ZBTB37: variants seen among roughly 807,000 people sequenced by gnomAD.
ZBTB37 encodes the protein zinc finger and BTB domain containing 37.
ZBTB37 carries 15 observed loss-of-function variants against 37.7 expected under a neutral mutation model. That is an observed-to-expected ratio of 0.40 (90% CI 0.27 to 0.61). The LOEUF (loss-of-function observed/expected upper bound fraction) is 0.61. ZBTB37 is among the 20% of genes least tolerant of loss of function. The pLI, the probability that ZBTB37 is intolerant of heterozygous loss-of-function variation, is 0.44. For missense variants in ZBTB37, 514 were observed against 641.9 expected, an observed-to-expected ratio of 0.80 and a Z score of 2.15; for synonymous variants, 231 against 220.6, an observed-to-expected ratio of 1.05 and a Z score of -0.42.
exon 3 of ZBTB37, chr1:173,870,400 G>A: frequency 6.2e-7 from 1 of 1,614,166 alleles, no homozygotes; most frequent in Non-Finnish European, 8.5e-7. Flanking sequence ...CTATTTCCGG[G>A]ATCACATGTC....
intron 4 of ZBTB37, among the ~76,000 whole-genome samples, chr1:173,874,943 T>TA (rs574740634): frequency 3.9e-5 from 6 of 152,170 alleles, no homozygotes; most frequent in African/African-American, 1.4e-4. Context: ...TGCAGGAAAA[T>TA]ACACTTTCGA....
chr1:173,876,354 G>A (rs1190434131), intron 4 of ZBTB37, among the ~76,000 whole-genome samples: 2 of 151,938 alleles, frequency 1.3e-5, no homozygotes, highest in African/African-American at 2.4e-5. Flanking sequence ...GTCTGGCTCT[G>A]TCATCCAGGC....
rs948940607 is a variant in ZBTB37, at chr1:173,871,152, G to A, written c.923+4G>A. Reference sequence around the variant, plus strand: ...CAACAAGCAGTGAAGTTGACAGGTAGGTTTGGTTTGGTTTGGTTTTCCCAT... The same window carrying A: ...CAACAAGCAGTGAAGTTGACAGGTAAGTTTGGTTTGGTTTGGTTTTCCCAT... On this transcript the variant is annotated splice_donor_region_variant and intron_variant, in intron 3 of 4. Coordinates refer to ENST00000427304, the Ensembl canonical transcript of ZBTB37. 2 of 1,568,386 alleles carry A rather than the reference G, an allele frequency of 1.3e-6. No homozygotes were observed. The highest frequency in any genetic ancestry group is 2.3e-5 in the East Asian group (1 of 43,084).
chr1:173,870,968 A>G, exon 3 of ZBTB37: 1 of 1,614,234 alleles, frequency 6.2e-7, no homozygotes, highest in Non-Finnish European at 8.5e-7. Context: ...ATCAAAACTG[A>G]AAATCTGGAG....
chr1:173,881,508 T>G (rs1378802715), intron 4 of ZBTB37, among the ~76,000 whole-genome samples: 1 of 152,248 alleles, frequency 6.6e-6, no homozygotes, highest in Non-Finnish European at 1.5e-5. Flanking sequence ...TTTCTAGTTC[T>G]GGATCCTTGA....
downstream of ZBTB37, chr1:173,887,017 A>G (rs918739572): frequency 1.3e-5 from 2 of 152,206 alleles, no homozygotes; most frequent in African/African-American, 4.8e-5. Context: ...TAGGCTGACT[A>G]CCAAAGTTTC....
At chr1:173,886,814 A>T (rs1371384437), downstream of ZBTB37, 1 of 152,520 alleles carries the variant, frequency 6.6e-6, no homozygotes, top group Non-Finnish European at 1.5e-5. Flanking sequence ...AGCAAAGTGT[A>T]TGCAATAGGT....
intron 4 of ZBTB37, among the ~76,000 whole-genome samples, chr1:173,883,394 G>T (rs1379623620): frequency 6.6e-6 from 1 of 152,176 alleles, no homozygotes; most frequent in Non-Finnish European, 1.5e-5. Flanking sequence ...CAGGAGAATT[G>T]CTTGAACCCG....
At chr1:173,893,837 G>A (rs1483096215) in exon 4 of ZBTB37, 2 of 152,206 alleles carry the variant, frequency 1.3e-5, no homozygotes, top group Non-Finnish European at 2.9e-5. Flanking sequence ...GTTGCCTCTA[G>A]TAGGTGTAAT....
intron 4 of ZBTB37, among the ~76,000 whole-genome samples, chr1:173,876,988 T>C (rs925528676): frequency 7.9e-5 from 12 of 152,344 alleles, no homozygotes; most frequent in Non-Finnish European, 1.5e-4. Flanking sequence ...CTGTATAGCA[T>C]GTTACTGTAC....
chr1:173,877,060 A>T (rs145467718), intron 4 of ZBTB37, among the ~76,000 whole-genome samples: 122 of 152,364 alleles, frequency 8.0e-4, no homozygotes, highest in African/African-American at 2.7e-3. Flanking sequence ...TACTGAATAT[A>T]GTAAATATTT....
chr1:173,871,437 G>C (rs1482129327), intron 3 of ZBTB37, among the ~76,000 whole-genome samples: 1 of 152,210 alleles, frequency 6.6e-6, no homozygotes, highest in African/African-American at 2.4e-5. Context: ...GTAATTGCCA[G>C]GGCTTCCTCG....
intron 4 of ZBTB37, among the ~76,000 whole-genome samples, chr1:173,874,981 A>C (rs1655849262): frequency 6.6e-6 from 1 of 152,084 alleles, no homozygotes; most frequent in South Asian, 2.1e-4. Context: ...AAATATAAAA[A>C]AGTAAGATTG....
chr1:173,871,214 C>T, intron 3 of ZBTB37, 66 bp downstream of exon 3: 2 of 1,420,098 alleles, frequency 1.4e-6, no homozygotes, highest in South Asian at 2.8e-5. Flanking sequence ...AAAGTGTCCT[C>T]TGTAGTACAG....
At chr1:173,874,655 C>T (rs1655821107) in intron 4 of ZBTB37, among the ~76,000 whole-genome samples, 1 of 152,070 alleles carries the variant, frequency 6.6e-6, no homozygotes, top group Non-Finnish European at 1.5e-5. Context: ...CCAGCCACTG[C>T]ACCCAGCCCA....
chr1:173,898,158 T>G (rs1657122530), exon 4 of ZBTB37: 1 of 152,100 alleles, frequency 6.6e-6, no homozygotes, highest in Non-Finnish European at 1.5e-5. Flanking sequence ...TTGCCCAGTC[T>G]CGTCTTAAAC....
At chr1:173,877,210 A>G (rs1172527271) in intron 4 of ZBTB37, among the ~76,000 whole-genome samples, 5 of 152,108 alleles carry the variant, frequency 3.3e-5, no homozygotes, top group African/African-American at 9.7e-5. Context: ...AGACGTTACA[A>G]CTTAATGGGG....
chr1:173,895,413 A>T (rs983179936), exon 4 of ZBTB37: 3 of 152,112 alleles, frequency 2.0e-5, no homozygotes, highest in African/African-American at 4.8e-5. Flanking sequence ...CGGAAAGCTT[A>T]CTATTAAATA....
chr1:173,899,399 ACTGTTG>A (rs2102767322), exon 4 of ZBTB37: 1 of 152,278 alleles, frequency 6.6e-6, no homozygotes, highest in South Asian at 2.1e-4. Flanking sequence ...TCAGTACTTT[ACTGTTG>A]CTGTTGCTGC....
Sources: gnomAD v4.1 joint callset for allele counts (sites outside exome capture counted in the v4.1 genomes callset) on GRCh38, gnomAD v4.1.1 for gene constraint, MANE v1.5 for transcripts, NCBI Gene and HGNC (gene_info 2026-07-23, HGNC 2026-07-21) for gene names.